Variants in SKP2 observed in about 807,000 individuals in gnomAD.
The protein encoded by SKP2 is S-phase kinase associated protein 2.
A neutral mutation model predicts 51.8 loss-of-function variants in SKP2; 16 were observed. The observed-to-expected ratio is 0.31, with a 90% confidence interval of 0.21 to 0.47. SKP2 has a LOEUF of 0.47. Among genes scored for constraint, SKP2 ranks in the 20% least tolerant of loss-of-function variants. SKP2 has a pLI of 1.00. For synonymous variants in SKP2, 176 were observed against 198.6 expected (o/e 0.89, Z 0.96); for missense variants, 377 against 505.3 (o/e 0.75, Z 2.43).
chr5:36,164,791 C>A (rs1296569855), intron 3 of SKP2, among the ~76,000 whole-genome samples: 1 of 152,056 alleles, frequency 6.6e-6, no homozygotes, highest in African/African-American at 2.4e-5. Flanking sequence ...TCTGTTAATC[C>A]CATTTTAAAA....
intron 3 of SKP2, among the ~76,000 whole-genome samples, chr5:36,165,061 A>G (rs553282518): frequency 1.4e-4 from 22 of 152,146 alleles, no homozygotes; most frequent in Non-Finnish European, 2.5e-4. Flanking sequence ...TCTCCCTTAG[A>G]GTCTGTTAAA....
intron 4 of SKP2, among the ~76,000 whole-genome samples, chr5:36,167,365 C>G (rs1441330657): frequency 6.6e-6 from 1 of 152,158 alleles, no homozygotes; most frequent in Non-Finnish European, 1.5e-5. Flanking sequence ...CCTTCTCAGT[C>G]TCCTTCACAT....
In SKP2 at chr5:36,158,775, A is replaced by G. The variant is rs549530421; in HGVS notation, c.281-4870A>G. Among the ~76,000 whole-genome samples, 4 of 152,276 alleles carry G rather than the reference A, an allele frequency of 2.6e-5. No individual in the cohort carries two copies. In the South Asian group the frequency reaches 6.2e-4, roughly 24 times the overall value. On this transcript the variant is annotated intron_variant, in intron 2 of 9. Transcript: ENST00000274255. ...CCTGAGTTTAAATTCCCCCTCTGCC[A>G]CTTACTGATTGTGTGACCTTGTCTC... is the stretch of plus-strand genomic sequence containing the variant.
chr5:36,168,009 G>T (rs566129916), intron 4 of SKP2, among the ~76,000 whole-genome samples: 1 of 152,130 alleles, frequency 6.6e-6, no homozygotes, highest in South Asian at 2.1e-4. Flanking sequence ...AGCCGTTATG[G>T]TCTTAATCTC....
At chr5:36,165,962 GTA>G (rs1275177860) in intron 3 of SKP2, among the ~76,000 whole-genome samples, 1 of 152,092 alleles carries the variant, frequency 6.6e-6, no homozygotes, top group Non-Finnish European at 1.5e-5. Context: ...ATATACACGT[GTA>G]TGTTTTAAGC....
chr5:36,189,247 G>A (rs1014428080), downstream of SKP2, among the ~76,000 whole-genome samples: 2 of 152,184 alleles, frequency 1.3e-5, no homozygotes, highest in Non-Finnish European at 2.9e-5. Context: ...TCTCCATCCA[G>A]CTTTGTCCAT....
chr5:36,177,612 G>A (rs546084361), intron 9 of SKP2, among the ~76,000 whole-genome samples: 41 of 151,918 alleles, frequency 2.7e-4, no homozygotes, highest in African/African-American at 8.2e-4. Context: ...TAATTGGGAA[G>A]GCAGACCCAA....
chr5:36,156,346 G>A (rs968166881), intron 2 of SKP2, among the ~76,000 whole-genome samples: 1 of 152,196 alleles, frequency 6.6e-6, no homozygotes, highest in Non-Finnish European at 1.5e-5. Flanking sequence ...GCCAGGATTA[G>A]GGTAGAACAG....
intron 7 of SKP2, among the ~76,000 whole-genome samples, chr5:36,174,059 A>G (rs542489519): frequency 6.6e-6 from 1 of 152,268 alleles, no homozygotes; most frequent in Admixed American, 6.5e-5. Context: ...GCCACATGGT[A>G]AGAGTTCAAT....
chr5:36,166,939 G>A (rs1038965262), intron 4 of SKP2, among the ~76,000 whole-genome samples: 2 of 152,008 alleles, frequency 1.3e-5, no homozygotes, highest in East Asian at 1.9e-4. Flanking sequence ...CTGATAGGGG[G>A]ACTGTGAGTC....
downstream of SKP2, among the ~76,000 whole-genome samples, chr5:36,188,558 C>T (rs1745977083): frequency 1.3e-5 from 2 of 152,128 alleles, no homozygotes; most frequent in South Asian, 2.1e-4. Flanking sequence ...AATATTGGCC[C>T]CCACTCTCTT....
intron 9 of SKP2, among the ~76,000 whole-genome samples, chr5:36,179,302 T>A (rs1260776207): frequency 6.6e-6 from 1 of 152,136 alleles, no homozygotes; most frequent in African/African-American, 2.4e-5. Flanking sequence ...TTGAGGTTTA[T>A]AATAAAAATT....
chr5:36,158,699 C>T (rs1054187313), intron 2 of SKP2, among the ~76,000 whole-genome samples: 1 of 152,196 alleles, frequency 6.6e-6, no homozygotes, highest in African/African-American at 2.4e-5. Context: ...CAGAGGAGAG[C>T]ATAGAATATT....
At chr5:36,157,480 A>AG (rs1481611569) in intron 2 of SKP2, among the ~76,000 whole-genome samples, 4 of 152,176 alleles carry the variant, frequency 2.6e-5, no homozygotes, top group African/African-American at 4.8e-5. Flanking sequence ...AGCCAAAAAA[A>AG]CAAAAACACC....
chr5:36,180,549 A>G (rs1251534080), intron 9 of SKP2, among the ~76,000 whole-genome samples: 1 of 152,180 alleles, frequency 6.6e-6, no homozygotes, highest in Non-Finnish European at 1.5e-5. Context: ...CACCTTGTAG[A>G]ATGTAGAATA....
intron 2 of SKP2, among the ~76,000 whole-genome samples, chr5:36,156,814 C>T (rs527881957): frequency 2.0e-5 from 3 of 152,136 alleles, no homozygotes; most frequent in Non-Finnish European, 4.4e-5. Context: ...AGAATCCCCA[C>T]AGGAACTTGT....
At chr5:36,174,497 A>C (rs900297098) in intron 7 of SKP2, among the ~76,000 whole-genome samples, 2 of 152,088 alleles carry the variant, frequency 1.3e-5, no homozygotes, top group African/African-American at 4.8e-5. Flanking sequence ...TTTATTGTGT[A>C]CTTTTTTCAT....
chr5:36,161,284 A>G (rs1745112249), intron 2 of SKP2, among the ~76,000 whole-genome samples: 1 of 93,856 alleles, frequency 1.1e-5, no homozygotes, highest in African/African-American at 3.1e-5. Context: ...TGAAAATACA[A>G]AAATTGTTAA....
At chr5:36,190,601 G>A (rs1690511791) in intron 6 of SKP2, among the ~76,000 whole-genome samples, 1 of 144,824 alleles carries the variant, frequency 6.9e-6, no homozygotes, top group South Asian at 2.2e-4. Context: ...TGGTAGAATG[G>A]TGATTCTTGA....
Sources: gnomAD v4.1 joint callset for allele counts (sites outside exome capture counted in the v4.1 genomes callset) on GRCh38, gnomAD v4.1.1 for gene constraint, MANE v1.5 for transcripts, NCBI Gene and HGNC (gene_info 2026-07-23, HGNC 2026-07-21) for gene names.